Variants in APC2 observed in about 807,000 individuals in gnomAD.
The protein encoded by APC2 is adenomatous polyposis coli protein 2.
A neutral mutation model predicts 72.5 loss-of-function variants in APC2; 41 were observed. The ratio of observed to expected loss-of-function variants is 0.57; its 90% CI spans 0.44 to 0.73. The LOEUF (loss-of-function observed/expected upper bound fraction) is 0.73, where lower values mean the gene tolerates loss of function less well. APC2 is among the 30% of genes least tolerant of loss of function. APC2 has a pLI of 0.00. For synonymous variants in APC2, 1,898 were observed against 1,612.0 expected (o/e 1.18, Z -4.25); for missense variants, 3,729 against 3,403.4 (o/e 1.10, Z -2.38).
In APC2 at chr19:1,457,021, G is replaced by A. The variant is rs749190654; in HGVS notation, c.985G>A (p.Gly329Arg). 22 of 1,527,334 alleles carry A rather than the reference G, an allele frequency of 1.4e-5. No individual in the cohort carries two copies. The highest frequency in any genetic ancestry group is 3.7e-4 in the Middle Eastern group (2 of 5,442). The allele number at this position is 1,527,334 out of a possible 1,614,324, so 94.6% of individuals were successfully genotyped here. A position where few individuals can be genotyped will look rare whatever the true frequency, so the allele number is the denominator to read the frequency against. ...QILHGTEAAAGGRAGAPGAPG... is the reference protein window; with the variant it reads ...QILHGTEAAARGRAGAPGAPG... The stretch of plus-strand genomic sequence containing the variant: ...CCTCCACGGCACCGAGGCCGCGGCC[G>A]GGGGTCGCGCCGGGGCCCCAGGGGC... Residue 329 changes from glycine to arginine, a missense_variant, in exon 9 of 15, where the codon GGG (glycine) becomes AGG (arginine). Gly to Arg is a moderately radical substitution (Grantham distance 125). Transcript: ENST00000590469.
Position 1,452,686 on chromosome 19 carries a change from C to T in APC2, c.-18-298C>T, listed in dbSNP as rs1430581060. The T allele has an allele frequency of 1.1e-5, 4 of 362,932 alleles. No individual in the cohort carries two copies. Among genetic ancestry groups the T allele is most frequent in the African/African-American group, 8.3e-5 (4 of 48,364 alleles). The allele number at this position is 362,932 out of a possible 1,614,324, so 22.5% of individuals were successfully genotyped here. Reference sequence around the variant, plus strand: ...CTGGGGGCTGGGAAGGAGAGGCCGACCCATCGTCTGTCGGTCGACTGGTCA... The same window carrying T: ...CTGGGGGCTGGGAAGGAGAGGCCGATCCATCGTCTGTCGGTCGACTGGTCA... On this transcript the variant is annotated intron_variant, in intron 1 of 14. Transcript: ENST00000590469. The surrounding 1 kb of genome is among the most constrained non-coding windows in gnomAD (Gnocchi z 5.1).
chr19:1,470,347 GAA>G lies in APC2; in HGVS notation c.*135_*136del, dbSNP rs2084114125. On this transcript the variant is annotated 3_prime_UTR_variant, in exon 15 of 15. Transcript: ENST00000590469. ...GCCCACCCGAGCCCCACCACTCTCA[GAA>G]CCCCCGCCCAGCGCACGGCGACCTC... is the stretch of plus-strand genomic sequence containing the variant. 94 of 1,251,632 alleles carry G rather than the reference GAA, an allele frequency of 7.5e-5. 1 individual carries two copies. The South Asian group carries it at 1.5e-3, about 19-fold the overall frequency. 77.5% of individuals were successfully genotyped at this position (1,251,632 alleles called of 1,614,324 possible).
intron 8 of APC2, among the ~76,000 whole-genome samples, 154 bp from the exon 9 acceptor site, chr19:1,456,699 C>G (rs1433560813): frequency 6.6e-6 from 1 of 152,108 alleles, no homozygotes; most frequent in Admixed American, 6.5e-5. Flanking sequence ...CTCCCCGAAG[C>G]ACGTGTGCAG....
chr19:1,468,533 A>T lies in APC2; in HGVS notation c.5232A>T (p.Glu1744Asp). 6.2e-7 allele frequency: 1 copy of T among 1,602,002 alleles called. No homozygotes were observed. Among genetic ancestry groups the T allele is most frequent in the Non-Finnish European group, 8.5e-7 (1 of 1,173,214 alleles). Residue 1744 changes from glutamate (E) to aspartate (D), a missense_variant, in exon 15 of 15, where the codon GAA (glutamate) becomes GAT (aspartate). Physicochemically the swap from Glu to Asp is conservative, Grantham distance 45. Transcript: ENST00000590469. ...GGAAGGGACGACAGGCGGAGGGAGA[A>T]ATGGGCAGTGCCCGGCGGCCAGAGA... ...KHRKGRQAEGEMGSARRPEKR... is the reference protein window; with the variant it reads ...KHRKGRQAEGDMGSARRPEKR...
In APC2 at chr19:1,460,819, G is replaced by A. The variant is rs532078861; in HGVS notation, c.1483G>A (p.Val495Met). The A allele has an allele frequency of 5.1e-5, 83 of 1,613,044 alleles. No homozygotes were observed. The highest frequency in any genetic ancestry group is 6.7e-5 in the Admixed American group (4 of 59,996). The change falls in exon 12 of 15, where the codon GTG becomes ATG. Residue 495 changes from valine to methionine, a missense_variant. Coordinates refer to ENST00000590469, the MANE Select transcript of APC2 (RefSeq NM_005883.3). ...CARRGCMEAI[V>M]AQLASDSEEL... ...GCGCCGCGGCTGCATGGAGGCCATC[G>A]TGGCCCAGCTGGCCTCCGACAGTGA...
rs148333649 is a variant in APC2, at chr19:1,457,128, G to T, written c.1092G>T (p.Ala364=). Residue 364 remains alanine, a synonymous_variant, in exon 9 of 15, where the codon GCG becomes GCT. Coordinates refer to ENST00000590469, the MANE Select transcript of APC2 (RefSeq NM_005883.3). ...TCTCGCAGCCGGACCAGGGCCTGGC[G>T]CGCAAGGAGATGCGCGTCCTGCACG... ...IVFSQPDQGL[A]RKEMRVLHVL... is the part of the protein sequence containing the mutation. 2.5e-6 allele frequency: 4 copies of T among 1,588,926 alleles called. No homozygotes were observed. Among genetic ancestry groups the T allele is most frequent in the African/African-American group, 2.7e-5 (2 of 74,184 alleles).
In APC2 at chr19:1,467,217, G is replaced by T; in HGVS notation, c.3916G>T (p.Gly1306Trp). 7.3e-7 allele frequency: 1 copy of T among 1,371,318 alleles called. No individual in the cohort carries two copies. Among genetic ancestry groups the T allele is most frequent in the Admixed American group, 3.2e-5 (1 of 30,854 alleles). 84.9% of individuals were successfully genotyped at this position (1,371,318 alleles called of 1,614,324 possible). The change falls in exon 15 of 15, where the codon GGG becomes TGG. Residue 1306 changes from glycine (G) to tryptophan (W), a missense_variant. By Grantham distance (184) the Gly-to-Trp change is radical. Transcript: ENST00000590469. Reference protein sequence around the residue: ...LLPSACPERGGGAGGAGLHFA... With the variant: ...LLPSACPERGWGAGGAGLHFA... ...GCCCTCGGCCTGCCCCGAGCGCGGCGGGGGCGCCGGGGGCGCCGGCCTCCA... is the reference window on the plus strand; with the variant it reads ...GCCCTCGGCCTGCCCCGAGCGCGGCTGGGGCGCCGGGGGCGCCGGCCTCCA...
chr19:1,458,347 G>A (rs974613809), intron 10 of APC2: 36 of 464,656 alleles, frequency 7.7e-5, no homozygotes, highest in Admixed American at 4.9e-4. Flanking sequence ...GGACCAGAAG[G>A]GCAAAGATAG....
At chr19:1,451,114 G>C (rs1475835264) in intron 1 of APC2, among the ~76,000 whole-genome samples, 1 of 152,198 alleles carries the variant, frequency 6.6e-6, no homozygotes, top group South Asian at 2.1e-4. Context: ...AGGCTGATCA[G>C]AATGTCCTCA....
In APC2 at chr19:1,456,084, C is replaced by T. The variant is rs2145192963; in HGVS notation, c.648C>T (p.Ala216=). The change falls in exon 7 of 15, where the codon GCC becomes GCT. Residue 216 remains alanine, a synonymous_variant. Transcript: ENST00000590469. The part of the protein sequence containing the change: ...DEMVQRAQIR[A]SRLEQIDKEL... ...CGTGTGGTCCTGAGCAGATCCGCGC[C>T]TCGCGCCTGGAGCAGATTGACAAGG... is the stretch of plus-strand genomic sequence containing the variant. The T allele has an allele frequency of 6.3e-7, 1 of 1,577,236 alleles. No homozygotes were observed. The highest frequency in any genetic ancestry group is 8.6e-7 in the Non-Finnish European group (1 of 1,164,940).
chr19:1,453,295 C>T lies in APC2; in HGVS notation c.190C>T (p.Leu64=). 6.3e-7 allele frequency: 1 copy of T among 1,586,244 alleles called. No homozygotes were observed. Among genetic ancestry groups the T allele is most frequent in the South Asian group, 1.1e-5 (1 of 88,504 alleles). The part of the protein sequence containing the change: ...QGKLEQEARV[L]VSSGQTEVLE... ...AAAACTGGAGCAGGAGGCCCGAGTGCTGGTGTCCTCGGGGCAGACGGAGGT... is the reference window on the plus strand; with the variant it reads ...AAAACTGGAGCAGGAGGCCCGAGTGTTGGTGTCCTCGGGGCAGACGGAGGT... The change falls in exon 3 of 15, where the codon CTG becomes TTG. Residue 64 remains leucine, a synonymous_variant. Coordinates refer to ENST00000590469, the MANE Select transcript of APC2 (RefSeq NM_005883.3).
rs192627835 is a variant in APC2, at chr19:1,473,178, G to C, written c.*2965G>C. The C allele has an allele frequency of 6.6e-6, 1 of 152,290 alleles. No homozygotes were observed. Among genetic ancestry groups the C allele is most frequent in the Non-Finnish European group, 1.5e-5 (1 of 68,060 alleles). The allele number at this position is 152,290 out of a possible 1,614,324, so 9.4% of individuals were successfully genotyped here. A position where few individuals can be genotyped will look rare whatever the true frequency, so the allele number is the denominator to read the frequency against. ...TCCCTAAATGTAAAGCCATCTGTCC[G>C]GCGTAAGGACGACACCGTCAGCTGT... On this transcript the variant is annotated 3_prime_UTR_variant, in exon 15 of 15. Transcript: ENST00000590469.
Position 1,457,898 on chromosome 19 carries a change from G to GGGGGGGGGGGGGA in APC2, c.1208-67_1208-66insGGGGGGGGGGGGA, listed in dbSNP as rs1555675929. On this transcript the variant is annotated intron_variant, in intron 9 of 14. Coordinates refer to ENST00000590469, the MANE Select transcript of APC2 (RefSeq NM_005883.3). ...CAGGCCTGGGGCGGGCGGGTTGCGGGACCTTCGGGAGTCACCTGGGACATT... is the reference window on the plus strand; with the variant it reads ...CAGGCCTGGGGCGGGCGGGTTGCGGGGGGGGGGGGGGGAACCTTCGGGAGTCACCTGGGACATT... 10 of 1,432,602 alleles carry GGGGGGGGGGGGGA rather than the reference G, an allele frequency of 7.0e-6. No individual in the cohort carries two copies. The East Asian group carries it at 1.0e-4, about 15-fold the overall frequency. 88.7% of individuals were successfully genotyped at this position (1,432,602 alleles called of 1,614,324 possible). A position where few individuals can be genotyped will look rare whatever the true frequency, so the allele number is the denominator to read the frequency against.
intron 1 of APC2, 140 bp downstream of exon 1, chr19:1,450,478 G>A (rs1436788604): frequency 4.4e-6 from 3 of 688,616 alleles, no homozygotes; most frequent in Non-Finnish European, 5.4e-6. Flanking sequence ...GGGAAACTGA[G>A]TCCCGGTGAG....
chr19:1,456,378 G>A lies in APC2; in HGVS notation c.790G>A (p.Gly264Ser). 1.2e-6 allele frequency: 2 copies of A among 1,607,426 alleles called. No individual in the cohort carries two copies. The highest frequency in any genetic ancestry group is 1.1e-5 in the South Asian group (1 of 90,170). The change falls in exon 8 of 15, where the codon GGC (glycine) becomes AGC (serine). Residue 264 changes from glycine (G) to serine (S), a missense_variant. By Grantham distance (56) the Gly-to-Ser change is moderately conservative (BLOSUM62 0). Coordinates refer to ENST00000590469, the MANE Select transcript of APC2 (RefSeq NM_005883.3). Reference protein sequence around the residue: ...ETEVPTHPEDGTPQPGNSKVE... With the variant: ...ETEVPTHPEDSTPQPGNSKVE... Reference sequence around the variant, plus strand: ...AGAGGTCCCCACACACCCTGAGGATGGCACCCCTCAGCCGGGCAACAGCAA... The same window carrying A: ...AGAGGTCCCCACACACCCTGAGGATAGCACCCCTCAGCCGGGCAACAGCAA...
In APC2 at chr19:1,466,357, C is replaced by T. The variant is rs748094372; in HGVS notation, c.3056C>T (p.Pro1019Leu). ...SRAGAEPLAGPGISPGARKQA... is the reference protein window; with the variant it reads ...SRAGAEPLAGLGISPGARKQA... ...GCGGGTGCAGAGCCCCTCGCGGGGC[C>T]TGGAATCTCTCCAGGGGCCCGGAAG... is the stretch of plus-strand genomic sequence containing the variant. The change falls in exon 15 of 15, where the codon CCT (proline) becomes CTT (leucine). Residue 1019 changes from proline (P) to leucine (L), a missense_variant. Physicochemically the swap from Pro to Leu is moderately conservative, Grantham distance 98. Coordinates refer to ENST00000590469, the MANE Select transcript of APC2 (RefSeq NM_005883.3). The T allele has an allele frequency of 2.6e-6, 4 of 1,568,312 alleles. No individual in the cohort carries two copies. The African/African-American group carries it at 4.1e-5, about 16-fold the overall frequency.
In APC2 at chr19:1,470,263, TCTGGCTGCCCCATGGG is replaced by T; in HGVS notation, c.*52_*67del. On this transcript the variant is annotated 3_prime_UTR_variant, in exon 15 of 15. Coordinates refer to ENST00000590469, the MANE Select transcript of APC2 (RefSeq NM_005883.3). ...GTTCTCTCCCGGCCCTGCGGCGCGG[TCTGGCTGCCCCATGGG>T]CCTGCGCTGTAGACGTCCCCCATAG... The T allele has an allele frequency of 6.6e-7, 1 of 1,512,776 alleles. No homozygotes were observed. Among genetic ancestry groups the T allele is most frequent in the Non-Finnish European group, 8.8e-7 (1 of 1,132,592 alleles). 93.7% of individuals were successfully genotyped at this position (1,512,776 alleles called of 1,614,324 possible).
rs1399680106 is a variant in APC2 at position 1,467,636 on chromosome 19, G to A, written c.4335G>A (p.Ala1445=). ...AGGCCATGGGGCACCGGCACAAGGC[G>A]GGAGGCGCCGGCCGCAGCGCGGAGC... ...ARQAMGHRHK[A]GGAGRSAEQS... is the part of the protein sequence containing the mutation. Residue 1445 remains alanine (A), a synonymous_variant, in exon 15 of 15, where the codon GCG becomes GCA. Coordinates refer to ENST00000590469, the MANE Select transcript of APC2 (RefSeq NM_005883.3). 1.3e-6 allele frequency: 2 copies of A among 1,483,820 alleles called. No homozygotes were observed. Among genetic ancestry groups the A allele is most frequent in the Non-Finnish European group, 1.8e-6 (2 of 1,124,734 alleles). The allele number at this position is 1,483,820 out of a possible 1,614,324, so 91.9% of individuals were successfully genotyped here. A position where few individuals can be genotyped will look rare whatever the true frequency, so the allele number is the denominator to read the frequency against.
chr19:1,469,115 G>T lies in APC2; in HGVS notation c.5814G>T (p.Arg1938=), dbSNP rs992995814. The T allele has an allele frequency of 4.4e-6, 6 of 1,367,040 alleles. No individual in the cohort carries two copies. Among genetic ancestry groups the T allele is most frequent in the Non-Finnish European group, 5.7e-6 (6 of 1,051,056 alleles). The allele number at this position is 1,367,040 out of a possible 1,614,324, so 84.7% of individuals were successfully genotyped here. The part of the protein sequence containing the change: ...VRIPFMQRPA[R]RGPPPLARAV... ...TCCCGTTCATGCAGAGGCCGGCCCG[G>T]CGTGGGCCGCCACCGCTGGCTCGGG... The change falls in exon 15 of 15, where the codon CGG becomes CGT. Residue 1938 remains arginine, a synonymous_variant. Coordinates refer to ENST00000590469, the MANE Select transcript of APC2 (RefSeq NM_005883.3).
Sources: gnomAD v4.1 joint callset for allele counts (sites outside exome capture counted in the v4.1 genomes callset) on GRCh38, gnomAD v4.1.1 for gene constraint, Gnocchi (gnomAD v3.1) non-coding constraint, MANE v1.5 for transcripts, NCBI Gene and HGNC (gene_info 2026-07-23, HGNC 2026-07-21) for gene names.